The following PDZD2 variants were observed in gnomAD, a reference collection of about 807,000 sequenced individuals.
PDZD2 encodes PDZ domain-containing protein 2.
Under a neutral mutation model 220.7 loss-of-function variants are expected in PDZD2, and 90 were observed. The ratio of observed to expected loss-of-function variants is 0.41; its 90% CI spans 0.34 to 0.49. The LOEUF is 0.49. Among genes scored for constraint, PDZD2 ranks in the 20% least tolerant of loss-of-function variants. PDZD2 has a pLI of 0.28. For synonymous variants in PDZD2, 1,375 were observed against 1,450.5 expected (o/e 0.95, Z 1.18); for missense variants, 3,174 against 3,608.5 (o/e 0.88, Z 3.08).
chr5:31,972,322 T>TA (rs1749375557), intron 2 of PDZD2, among the ~76,000 whole-genome samples: 2 of 152,258 alleles, frequency 1.3e-5, no homozygotes, highest in East Asian at 3.9e-4. Flanking sequence ...CCATGTTGCC[T>TA]AGGCTGATCT....
intron 2 of PDZD2, among the ~76,000 whole-genome samples, chr5:31,894,848 A>G (rs757184480): frequency 6.6e-5 from 10 of 152,028 alleles, no homozygotes; most frequent in Non-Finnish European, 1.0e-4. Context: ...TTGTTACCTC[A>G]TTTTCTCAAT....
rs970375166 is a variant in PDZD2 at position 32,057,920 on chromosome 5, T to C, written c.2017T>C (p.Leu673=). The C allele has an allele frequency of 4.3e-6, 7 of 1,613,850 alleles. No homozygotes were observed. Among genetic ancestry groups the C allele is most frequent in the Non-Finnish European group, 5.9e-6 (7 of 1,179,904 alleles). ...GLFVLTVRTK[L]VSPSLTPCST... ...ATTTGTTTTAACGGTACGCACAAAG[T>C]TGGTGAGCCCCAGCCTCACACCCTG... Residue 673 remains leucine (L), a synonymous_variant, in exon 12 of 25, where the codon TTG becomes CTG. Coordinates refer to ENST00000438447, the MANE Select transcript of PDZD2 (RefSeq NM_178140.4).
chr5:32,058,117 T>G lies in PDZD2; in HGVS notation c.2200+14T>G. ...CACTCAACAAAGGTGATAGCAGCTA[T>G]TCCTTACCTTTGTCTCATTTCTTGA... On this transcript the variant is annotated intron_variant, in intron 12 of 24. Transcript: ENST00000438447. 8 of 1,230,882 alleles carry G rather than the reference T, an allele frequency of 6.5e-6. No individual in the cohort carries two copies. The highest frequency in any genetic ancestry group is 1.5e-5 in the African/African-American group (1 of 67,636). 76.2% of individuals were successfully genotyped at this position (1,230,882 alleles called of 1,614,324 possible). A position where few individuals can be genotyped will look rare whatever the true frequency, so the allele number is the denominator to read the frequency against.
intron 1 of PDZD2, among the ~76,000 whole-genome samples, chr5:31,710,299 T>G (rs1345949911): frequency 6.6e-6 from 1 of 152,196 alleles, no homozygotes; most frequent in Non-Finnish European, 1.5e-5. Flanking sequence ...GTATTTGACA[T>G]GAATTACACT....
chr5:32,058,528 G>T (rs959399972), intron 12 of PDZD2, among the ~76,000 whole-genome samples: 1 of 150,412 alleles, frequency 6.6e-6, no homozygotes, highest in Non-Finnish European at 1.5e-5. Context: ...AAAAAAATTA[G>T]CTGGGCGTGG....
At chr5:31,751,606 G>C (rs1289688590) in intron 1 of PDZD2, among the ~76,000 whole-genome samples, 1 of 152,146 alleles carries the variant, frequency 6.6e-6, no homozygotes, top group Non-Finnish European at 1.5e-5. Context: ...GATGAAAGCA[G>C]GATCCATGCC....
At chr5:31,874,150 G>A (rs1385070507) in intron 2 of PDZD2, among the ~76,000 whole-genome samples, 4 of 152,128 alleles carry the variant, frequency 2.6e-5, no homozygotes, top group African/African-American at 9.7e-5. Context: ...TTTCTGTTAA[G>A]GTCTTCAGCT....
intron 2 of PDZD2, among the ~76,000 whole-genome samples, chr5:31,903,134 T>C (rs761610264): frequency 1.3e-5 from 2 of 150,942 alleles, no homozygotes; most frequent in Non-Finnish European, 3.0e-5. Flanking sequence ...GTCTTTCCTA[T>C]ATACAAAAAA....
chr5:31,697,631 G>A (rs1747428760), intron 1 of PDZD2, among the ~76,000 whole-genome samples: 1 of 152,174 alleles, frequency 6.6e-6, no homozygotes, highest in Admixed American at 6.5e-5. Context: ...TCCAAAGTGA[G>A]GAGGAGCCCA....
At chr5:31,711,183 T>C (rs909644489) in intron 1 of PDZD2, among the ~76,000 whole-genome samples, 2 of 152,178 alleles carry the variant, frequency 1.3e-5, no homozygotes, top group Non-Finnish European at 2.9e-5. Flanking sequence ...TCAAGGGATC[T>C]GGACTGCCCT....
intron 24 of PDZD2, among the ~76,000 whole-genome samples, chr5:32,105,762 T>C (rs1315278078): frequency 2.6e-5 from 4 of 152,232 alleles, no homozygotes; most frequent in Non-Finnish European, 5.9e-5. Flanking sequence ...AAGGACAATT[T>C]TAAAAAATCT....
chr5:32,080,347 C>CAAAAAAAAAAAAAAAAAA (rs35491724), intron 19 of PDZD2, among the ~76,000 whole-genome samples: 1 of 54,282 alleles, frequency 1.8e-5, no homozygotes, highest in Non-Finnish European at 3.3e-5. Context: ...GACTCCATCT[C>CAAAAAAAAAAAAAAAAAA]AAAAAAAAAA....
rs563791796 is a variant in PDZD2, at chr5:31,946,322, A to G, written c.477-36833A>G. ...CTGGCCAAACATGCTATTTTATACC[A>G]GTCTCTGCAGGAAGAGTCCCTATTA... On this transcript the variant is annotated intron_variant, in intron 2 of 24. Coordinates refer to ENST00000438447, the MANE Select transcript of PDZD2 (RefSeq NM_178140.4). Among the ~76,000 whole-genome samples, 4 of 152,328 alleles carry G rather than the reference A, an allele frequency of 2.6e-5. No homozygotes were observed. The South Asian group carries it at 6.2e-4, about 24-fold the overall frequency.
intron 1 of PDZD2, among the ~76,000 whole-genome samples, chr5:31,788,373 A>G (rs1469078976): frequency 6.7e-6 from 1 of 148,634 alleles, no homozygotes; most frequent in Non-Finnish European, 1.5e-5. Flanking sequence ...CTTCGTCTCA[A>G]AAATAAAAAA....
intron 1 of PDZD2, among the ~76,000 whole-genome samples, chr5:31,687,463 T>C (rs548015709): frequency 7.9e-5 from 12 of 152,288 alleles, no homozygotes; most frequent in African/African-American, 2.9e-4. Context: ...ATATTGATGT[T>C]ATTCAGTTTA....
At chr5:31,662,507 G>A (rs1745806335) in intron 1 of PDZD2, among the ~76,000 whole-genome samples, 1 of 152,170 alleles carries the variant, frequency 6.6e-6, no homozygotes, top group East Asian at 1.9e-4. Flanking sequence ...CAGCTCCAGA[G>A]GCTGGAAAGT....
intron 2 of PDZD2, among the ~76,000 whole-genome samples, chr5:31,921,563 C>T (rs952897868): frequency 1.3e-5 from 2 of 152,070 alleles, no homozygotes; most frequent in Admixed American, 6.5e-5. Flanking sequence ...GCTGGTCTGC[C>T]CCTGCGGTCC....
At chr5:31,903,668 G>GAAAA (rs1316851284) in intron 2 of PDZD2, among the ~76,000 whole-genome samples, 1 of 141,598 alleles carries the variant, frequency 7.1e-6, no homozygotes, top group East Asian at 2.1e-4. Flanking sequence ...AAAAAAGAAA[G>GAAAA]AAAAAAGAAA....
intron 1 of PDZD2, among the ~76,000 whole-genome samples, chr5:31,763,227 C>A (rs576699269): frequency 6.6e-6 from 1 of 152,282 alleles, no homozygotes; most frequent in African/African-American, 2.4e-5. Flanking sequence ...GCCCCCAGCT[C>A]CTGCCCACAG....
Sources: allele counts gnomAD v4.1 joint callset (sites outside exome capture counted in the v4.1 genomes callset), GRCh38; gene constraint gnomAD v4.1.1; transcripts MANE v1.5; gene names NCBI Gene and HGNC (gene_info 2026-07-23, HGNC 2026-07-21).